DGKK: variants seen among roughly 807,000 people sequenced by gnomAD.
DGKK encodes 142 kDa diacylglycerol kinase.
A neutral mutation model predicts 92.2 loss-of-function variants in DGKK; 35 were observed. That is an observed-to-expected ratio of 0.38 (90% confidence interval 0.29 to 0.50). The LOEUF (loss-of-function observed/expected upper bound fraction) is 0.50, where lower values mean the gene tolerates loss of function less well. Ranked by LOEUF, DGKK falls within the 20% of genes least tolerant of loss-of-function variation. DGKK has a pLI of 0.92. For missense variants in DGKK, 910 were observed against 992.2 expected, an observed-to-expected ratio of 0.92 and a Z score of 1.11; for synonymous variants, 368 against 360.6, an observed-to-expected ratio of 1.02 and a Z score of -0.23.
At chrX:50,390,818 G>A (rs976520901) in intron 11 of DGKK, among the ~76,000 whole-genome samples, 16 of 111,865 alleles carry the variant, frequency 1.4e-4, no homozygotes, top group Non-Finnish European at 2.1e-4. Context: ...TAAATCAAAT[G>A]CTCCTATATA....
intron 4 of DGKK, among the ~76,000 whole-genome samples, chrX:50,406,704 T>A (rs782772348): frequency 8.9e-6 from 1 of 112,092 alleles, no homozygotes; most frequent in African/African-American, 3.2e-5. Flanking sequence ...CAAAGAAAGA[T>A]CCTTCCCTAG....
Position 50,376,846 on chromosome X carries a change from C to T in DGKK, c.3184G>A (p.Asp1062Asn). Residue 1062 changes from aspartate to asparagine, a missense_variant, in exon 23 of 28, where the codon GAC becomes AAC. Transcript: ENST00000611977. ...EIQAAPQPQL[D>N]FQDSQESLSD... ...AGGCTCTCTTGAGAGTCCTGGAAGT[C>T]CAGCTGGGGTTGAGGGGCAGCTTGA... The T allele has an allele frequency of 8.3e-7, 1 of 1,208,861 alleles. No homozygotes were observed. Among genetic ancestry groups the T allele is most frequent in the Non-Finnish European group, 1.1e-6 (1 of 893,993 alleles).
intron 1 of DGKK, among the ~76,000 whole-genome samples, chrX:50,465,435 CT>C (rs782072031): frequency 0.12 from 11,943 of 100,082 alleles, 1,116 homozygotes; most frequent in African/African-American, 0.32. Flanking sequence ...TGCTTGCTTG[CT>C]TTTTTTTTTT....
chrX:50,411,644 C>T (rs182067007), intron 4 of DGKK, among the ~76,000 whole-genome samples: 3 of 111,999 alleles, frequency 2.7e-5, no homozygotes, highest in Non-Finnish European at 3.8e-5. Flanking sequence ...GAAAGCTTTT[C>T]CTCTAAAATC....
At chrX:50,425,147 A>G (rs149252106) in intron 1 of DGKK, among the ~76,000 whole-genome samples, 100 of 111,717 alleles carry the variant, frequency 9.0e-4, no homozygotes, top group African/African-American at 3.1e-3. Context: ...TCAAATCCAT[A>G]CTTAATGGAC....
intron 19 of DGKK, 73 bp downstream of exon 19, chrX:50,379,908 A>C: frequency 2.0e-6 from 2 of 1,013,211 alleles, no homozygotes; most frequent in East Asian, 3.0e-5. Flanking sequence ...AAGAATCAGC[A>C]TGTACGGTAT....
chrX:50,449,837 A>G (rs1420731969), intron 1 of DGKK, among the ~76,000 whole-genome samples: 1 of 112,006 alleles, frequency 8.9e-6, no homozygotes, highest in African/African-American at 3.2e-5. Context: ...CCTCGAATTG[A>G]CTTTAGCCTA....
At chrX:50,408,135 C>A (rs1925205179) in intron 4 of DGKK, among the ~76,000 whole-genome samples, 1 of 112,250 alleles carries the variant, frequency 8.9e-6, no homozygotes, top group Non-Finnish European at 1.9e-5. Flanking sequence ...GGGGCAGAGG[C>A]ACTGCCTCCT....
At chrX:50,429,161 A>G (rs111762196) in intron 1 of DGKK, among the ~76,000 whole-genome samples, 4,389 of 111,409 alleles carry the variant, frequency 0.039, 209 homozygotes, top group African/African-American at 0.14. Flanking sequence ...CCTCCTCACA[A>G]CTATGCAGTA....
intron 2 of DGKK, among the ~76,000 whole-genome samples, chrX:50,423,617 T>A (rs1925658937): frequency 8.9e-6 from 1 of 111,950 alleles, no homozygotes; most frequent in Non-Finnish European, 1.9e-5. Context: ...AATGTGCAAG[T>A]ATCGAGAAGT....
Position 50,470,064 on chromosome X carries a change from G to GGGCGATGGCGAT in DGKK, c.603_614dup (p.Ser202_Pro205dup), listed in dbSNP as rs201010594. 8.3e-7 allele frequency: 1 copy of GGGCGATGGCGAT among 1,208,989 alleles called. No homozygotes were observed. The highest frequency in any genetic ancestry group is 3.0e-5 in the East Asian group (1 of 33,808). On this transcript the variant is annotated inframe_insertion, in exon 1 of 28. Coordinates refer to ENST00000611977, the MANE Select transcript of DGKK (RefSeq NM_001013742.4). ...TTCTGGACCACGACATTGGCGTTCTGGGCGATGGCGATGGCGATGGCGATG... is the reference window on the plus strand; with the variant it reads ...TTCTGGACCACGACATTGGCGTTCTGGGCGATGGCGATGGCGATGGCGATGGCGATGGCGATG...
intron 1 of DGKK, among the ~76,000 whole-genome samples, chrX:50,438,644 C>T (rs1273748716): frequency 9.0e-6 from 1 of 111,644 alleles, no homozygotes; most frequent in Non-Finnish European, 1.9e-5. Flanking sequence ...ACAATATGGG[C>T]ACCAATATGG....
In DGKK at chrX:50,371,763, T is replaced by A. The variant is rs149296012; in HGVS notation, c.3573A>T (p.Leu1191=). The change falls in exon 26 of 28, where the codon CTA becomes CTT. Residue 1191 remains leucine, a synonymous_variant. Transcript: ENST00000611977. ...LDAMNKEFKK[L]SEIDWMNPIF... ...TTGGATTCATCCAGTCAATCTCAGA[T>A]AGCTTTTTGAACTCCTTATTCATGG... The A allele has an allele frequency of 2.9e-4, 347 of 1,206,243 alleles. 3 individuals are homozygous for A. In the East Asian group the frequency reaches 0.01, roughly 36 times the overall value.
intron 4 of DGKK, among the ~76,000 whole-genome samples, chrX:50,412,723 A>G (rs782702048): frequency 8.9e-6 from 1 of 112,686 alleles, no homozygotes; most frequent in South Asian, 3.7e-4. Context: ...AAGTTGACTG[A>G]CAGCTTTTGA....
intron 4 of DGKK, 93 bp downstream of exon 4, chrX:50,420,310 T>A (rs1557228988): frequency 1.3e-6 from 1 of 793,057 alleles, no homozygotes; most frequent in African/African-American, 2.1e-5. Context: ...TCTGCTTCCA[T>A]CTTATTATTT....
intron 26 of DGKK, among the ~76,000 whole-genome samples, chrX:50,370,777 C>G (rs1254292160): frequency 8.9e-6 from 1 of 111,807 alleles, no homozygotes; most frequent in Admixed American, 9.4e-5. Flanking sequence ...TTAATAAATG[C>G]TCTCATACAA....
intron 1 of DGKK, among the ~76,000 whole-genome samples, chrX:50,438,796 T>A (rs1274813292): frequency 1.8e-5 from 2 of 111,554 alleles, no homozygotes; most frequent in Non-Finnish European, 3.8e-5. Flanking sequence ...GATATGAAAA[T>A]TTGGCACTTG....
intron 25 of DGKK, among the ~76,000 whole-genome samples, chrX:50,374,299 G>A (rs1924215348): frequency 9.0e-6 from 1 of 111,596 alleles, no homozygotes; most frequent in African/African-American, 3.3e-5. Context: ...ATAGAGGATT[G>A]AAGTGATGCA....
intron 13 of DGKK, 67 bp from the exon 14 acceptor site, chrX:50,387,720 G>A (rs1924584511): frequency 4.2e-6 from 3 of 719,337 alleles, no homozygotes; most frequent in Non-Finnish European, 6.4e-6. Context: ...TCTCTCTTAT[G>A]TCATCAGTCC....
Sources: gnomAD v4.1 joint callset for allele counts (sites outside exome capture counted in the v4.1 genomes callset) on GRCh38, gnomAD v4.1.1 for gene constraint, MANE v1.5 for transcripts, NCBI Gene and HGNC (gene_info 2026-07-23, HGNC 2026-07-21) for gene names.